Variants in DAB1 observed in about 807,000 individuals in gnomAD.
DAB1 encodes disabled homolog 1.
DAB1 carries 15 observed loss-of-function variants against 64.6 expected under a neutral mutation model. That is an observed-to-expected ratio of 0.23 (90% CI 0.16 to 0.36). The LOEUF is 0.36. Ranked by LOEUF, DAB1 falls within the 10% of genes least tolerant of loss-of-function variation. The pLI is 1.00. For missense variants in DAB1, 596 were observed against 706.7 expected (o/e 0.84, Z 1.78); for synonymous variants, 235 against 251.9 (o/e 0.93, Z 0.64).
chr1:57,934,063 T>TTTTGTGTGTG (rs559271438), intron 5 of DAB1, among the ~76,000 whole-genome samples: 8 of 128,052 alleles, frequency 6.2e-5, no homozygotes, highest in Non-Finnish European at 9.8e-5. Context: ...GCCCAGCTAA[T>TTTTGTGTGTG]TGTGTGTGTG....
chr1:58,491,183 G>T (rs1480307032), intron 3 of DAB1, among the ~76,000 whole-genome samples: 1 of 151,994 alleles, frequency 6.6e-6, no homozygotes, highest in African/African-American at 2.4e-5. Flanking sequence ...AAGTGAAGGA[G>T]AAATAAAATA....
chr1:58,164,189 T>TA (rs71691727), intron 4 of DAB1, among the ~76,000 whole-genome samples: 26,010 of 115,330 alleles, frequency 0.23, 2,987 homozygotes, highest in East Asian at 0.38. Flanking sequence ...GAGCTCAGCT[T>TA]AAAAAAAAAA....
At chr1:57,366,082 G>T (rs552694988) in intron 1 of DAB1, among the ~76,000 whole-genome samples, 29 of 152,244 alleles carry the variant, frequency 1.9e-4, no homozygotes, top group African/African-American at 7.0e-4. Flanking sequence ...AATGTGTCCT[G>T]CTCTTTGCAG....
chr1:57,020,416 C>A (rs1646575895), intron 11 of DAB1, among the ~76,000 whole-genome samples: 1 of 152,204 alleles, frequency 6.6e-6, no homozygotes, highest in Non-Finnish European at 1.5e-5. Context: ...GAATTATGAT[C>A]ATCCCCATTA....
chr1:57,134,386 G>A (rs1355352792), intron 4 of DAB1, among the ~76,000 whole-genome samples: 2 of 151,880 alleles, frequency 1.3e-5, no homozygotes, highest in African/African-American at 2.4e-5. Flanking sequence ...AGGAGTTCGA[G>A]ACCAGCCTGG....
intron 2 of DAB1, among the ~76,000 whole-genome samples, chr1:57,233,812 C>T (rs1266150626): frequency 2.0e-5 from 3 of 151,836 alleles, no homozygotes; most frequent in East Asian, 3.9e-4. Flanking sequence ...GGTACGGCTT[C>T]CTCTGCAAAC....
At chr1:58,324,915 G>A (rs1007731080) in intron 4 of DAB1, among the ~76,000 whole-genome samples, 5 of 152,174 alleles carry the variant, frequency 3.3e-5, no homozygotes, top group Admixed American at 2.6e-4. Flanking sequence ...CCAATACCCG[G>A]CACAGATGCC....
At chr1:57,754,912 C>A (rs1648730899) in intron 6 of DAB1, among the ~76,000 whole-genome samples, 1 of 152,108 alleles carries the variant, frequency 6.6e-6, no homozygotes, top group African/African-American at 2.4e-5. Flanking sequence ...CACATTTTCA[C>A]TTTTCATCCA....
At chr1:58,290,600 G>A (rs138950978) in intron 4 of DAB1, among the ~76,000 whole-genome samples, 2 of 152,112 alleles carry the variant, frequency 1.3e-5, no homozygotes, top group African/African-American at 4.8e-5. Flanking sequence ...TGATTAAAAC[G>A]AAGGCCAAGG....
chr1:57,516,164 T>C (rs912982598), intron 7 of DAB1, among the ~76,000 whole-genome samples: 27 of 152,038 alleles, frequency 1.8e-4, no homozygotes, highest in Admixed American at 1.6e-3. Flanking sequence ...TAAGTGAAGG[T>C]GAGAGGTGAA....
chr1:57,857,097 G>A (rs1222597335), intron 1 of DAB1, among the ~76,000 whole-genome samples: 3 of 152,180 alleles, frequency 2.0e-5, no homozygotes, highest in Non-Finnish European at 1.5e-5. Context: ...TGCAATGAAG[G>A]GCTTTGTTCA....
chr1:58,112,999 C>T (rs1468151181), intron 5 of DAB1, among the ~76,000 whole-genome samples: 1 of 152,158 alleles, frequency 6.6e-6, no homozygotes, highest in Non-Finnish European at 1.5e-5. Flanking sequence ...AAGTGGCACT[C>T]ACCATGTTGG....
chr1:57,078,868 A>C (rs1652225719), intron 4 of DAB1, among the ~76,000 whole-genome samples: 1 of 152,190 alleles, frequency 6.6e-6, no homozygotes, highest in South Asian at 2.1e-4. Flanking sequence ...TCTGGGCAAA[A>C]ACTTGAGTAC....
chr1:58,493,463 G>C (rs2100384189), intron 3 of DAB1, among the ~76,000 whole-genome samples: 1 of 151,826 alleles, frequency 6.6e-6, no homozygotes, highest in African/African-American at 2.4e-5. Context: ...ATTAGGAAAA[G>C]AGCAAGTCAA....
At chr1:58,230,807 G>A (rs975493981) in intron 4 of DAB1, among the ~76,000 whole-genome samples, 1 of 152,206 alleles carries the variant, frequency 6.6e-6, no homozygotes, top group Non-Finnish European at 1.5e-5. Flanking sequence ...ATCCACAATT[G>A]ACAGACACTG....
At chr1:57,818,435 G>C (rs1256878642) in intron 6 of DAB1, among the ~76,000 whole-genome samples, 1 of 152,056 alleles carries the variant, frequency 6.6e-6, no homozygotes, top group Non-Finnish European at 1.5e-5. Flanking sequence ...CCTTTCACTT[G>C]GTAGTAAAAT....
At chr1:57,245,025 G>T (rs1046951307) in intron 2 of DAB1, among the ~76,000 whole-genome samples, 4 of 152,216 alleles carry the variant, frequency 2.6e-5, no homozygotes, top group African/African-American at 4.8e-5. Flanking sequence ...GGACTCAGAA[G>T]AAGACAGGGA....
chr1:57,995,127 C>T (rs926236653), intron 5 of DAB1, among the ~76,000 whole-genome samples: 2 of 152,190 alleles, frequency 1.3e-5, no homozygotes, highest in African/African-American at 2.4e-5. Flanking sequence ...AAGGCAAAGA[C>T]AGTAGTTTCC....
Position 57,335,955 on chromosome 1 carries a change from A to C in DAB1, c.-136-44789T>G, listed in dbSNP as rs528311776. On this transcript the variant is annotated intron_variant, in intron 1 of 14. Coordinates refer to ENST00000371236, the MANE Select transcript of DAB1 (RefSeq NM_001365792.1). ...CATCTTTATTTCTGAAATTACAAAT[A>C]ATCATTGTTGGCATCTGCAAGTAGA... is the stretch of plus-strand genomic sequence containing the variant. 9.8e-5 allele frequency among the ~76,000 whole-genome samples: 15 copies of C among 152,340 alleles called. No homozygotes were observed. In the South Asian group the frequency reaches 2.3e-3, roughly 23 times the overall value.
Sources: allele counts gnomAD v4.1 joint callset (sites outside exome capture counted in the v4.1 genomes callset), GRCh38; gene constraint gnomAD v4.1.1; transcripts MANE v1.5; gene names NCBI Gene and HGNC (gene_info 2026-07-23, HGNC 2026-07-21).